CDH12: variants seen among roughly 807,000 people sequenced by gnomAD.
CDH12 encodes cadherin 12.
In CDH12, 41 loss-of-function variants were observed where a neutral mutation model predicts 74.1. The ratio of observed to expected loss-of-function variants is 0.55; its 90% CI spans 0.43 to 0.72. The LOEUF (loss-of-function observed/expected upper bound fraction) is 0.72, where lower values mean the gene tolerates loss of function less well. Ranked by LOEUF, CDH12 falls within the 30% of genes least tolerant of loss-of-function variation. The pLI is 0.00. For missense variants in CDH12, 945 were observed against 977.2 expected (o/e 0.97, Z 0.44); for synonymous variants, 399 against 355.0 (o/e 1.12, Z -1.39).
intron 6 of CDH12, among the ~76,000 whole-genome samples, chr5:21,877,653 A>T (rs973829140): frequency 3.9e-5 from 6 of 152,232 alleles, no homozygotes; most frequent in Non-Finnish European, 7.3e-5. Flanking sequence ...GGCAGTGATG[A>T]CACTGCTTTG....
At chr5:22,464,287 T>G (rs1745639311) in intron 2 of CDH12, among the ~76,000 whole-genome samples, 2 of 152,288 alleles carry the variant, frequency 1.3e-5, no homozygotes, top group South Asian at 4.1e-4. Flanking sequence ...AATTGCCCAG[T>G]CTCAGGTATG....
intron 4 of CDH12, among the ~76,000 whole-genome samples, chr5:22,128,578 A>G (rs182676648): frequency 1.0e-3 from 155 of 152,328 alleles, no homozygotes; most frequent in African/African-American, 3.6e-3. Flanking sequence ...ATCCTTTTAT[A>G]TCAACTATAA....
chr5:21,776,876 C>T (rs1745618974), intron 11 of CDH12, among the ~76,000 whole-genome samples: 1 of 152,168 alleles, frequency 6.6e-6, no homozygotes, highest in Non-Finnish European at 1.5e-5. Context: ...ACATAGTTTG[C>T]ATATCATAAC....
chr5:22,717,621 A>G (rs1213733420), intron 1 of CDH12, among the ~76,000 whole-genome samples: 1 of 152,194 alleles, frequency 6.6e-6, no homozygotes, highest in Non-Finnish European at 1.5e-5. Flanking sequence ...TCGATATCCA[A>G]TAAGAAGAAA....
intron 3 of CDH12, among the ~76,000 whole-genome samples, chr5:22,348,905 A>T (rs1740238120): frequency 6.6e-6 from 1 of 152,194 alleles, no homozygotes; most frequent in African/African-American, 2.4e-5. Flanking sequence ...GCAGGCATTC[A>T]ATAAATGCCA....
Position 22,654,236 on chromosome 5 carries a change from GTTTC to G in CDH12, c.-522-148876_-522-148873del, listed in dbSNP as rs200960229. ...TTTCTTTTTGTTTCTTTGTTTCTTT[GTTTC>G]TTTCTTTCTTTCTCTTTCTTGCTTT... On this transcript the variant is annotated intron_variant, in intron 1 of 14. Coordinates refer to ENST00000382254, the MANE Select transcript of CDH12 (RefSeq NM_004061.5). 4.4e-3 allele frequency among the ~76,000 whole-genome samples: 540 copies of G among 122,824 alleles called. 22 individuals are homozygous for G. The East Asian group carries it at 0.097, about 22-fold the overall frequency. The allele number at this position is 122,824 out of a possible 152,430, so 80.6% of individuals were successfully genotyped here.
At chr5:22,255,862 TC>T (rs1252821378) in intron 3 of CDH12, among the ~76,000 whole-genome samples, 1 of 152,044 alleles carries the variant, frequency 6.6e-6, no homozygotes, top group Non-Finnish European at 1.5e-5. Context: ...TGGTTAAATG[TC>T]AGAATGGCTG....
intron 6 of CDH12, among the ~76,000 whole-genome samples, chr5:21,960,201 T>C (rs2150109398): frequency 1.3e-5 from 2 of 152,284 alleles, no homozygotes; most frequent in South Asian, 4.1e-4. Context: ...GATAGACATC[T>C]ACAGAACTCT....
At chr5:22,217,479 G>A (rs1293345590) in intron 3 of CDH12, among the ~76,000 whole-genome samples, 3 of 151,586 alleles carry the variant, frequency 2.0e-5, no homozygotes, top group Admixed American at 6.6e-5. Context: ...AAAAAGCAGA[G>A]TGCATAATTA....
Position 21,792,856 on chromosome 5 carries a change from A to C in CDH12, c.1256+9311T>G, listed in dbSNP as rs1579711394. Among the ~76,000 whole-genome samples the C allele has an allele frequency of 3.3e-5, 5 of 151,918 alleles. No homozygotes were observed. In the Middle Eastern group the frequency reaches 0.017, roughly 517 times the overall value. ...ATAGAAAGAAAATGAGGTTTAGACA[A>C]ATAATGATTAAGTCCAGGCTCTGTA... On this transcript the variant is annotated intron_variant, in intron 10 of 14. Transcript: ENST00000382254.
At chr5:22,713,964 A>G (rs1743432337) in intron 1 of CDH12, among the ~76,000 whole-genome samples, 1 of 152,174 alleles carries the variant, frequency 6.6e-6, no homozygotes, top group African/African-American at 2.4e-5. Flanking sequence ...GTATTAATTC[A>G]ATGTTAAGGC....
chr5:22,608,211 G>T (rs1025570352), intron 1 of CDH12, among the ~76,000 whole-genome samples: 1 of 152,206 alleles, frequency 6.6e-6, no homozygotes, highest in South Asian at 2.1e-4. Context: ...TCCCTGCAAA[G>T]CCACAGGGTT....
intron 3 of CDH12, among the ~76,000 whole-genome samples, chr5:22,343,676 C>G (rs765017894): frequency 6.6e-6 from 1 of 152,104 alleles, no homozygotes; most frequent in Non-Finnish European, 1.5e-5. Context: ...CCTCAGCCTC[C>G]CAAAGTGCTG....
intron 2 of CDH12, among the ~76,000 whole-genome samples, chr5:22,456,107 TTATATATATATATATA>T (rs36020133): frequency 0.48 from 70,411 of 147,834 alleles, 17,089 homozygotes; most frequent in Admixed American, 0.65. Flanking sequence ...CATGTGGATA[TTATATATATATATATA>T]TATATATATA....
chr5:21,788,138 A>G (rs1746296265), intron 10 of CDH12, among the ~76,000 whole-genome samples: 2 of 152,182 alleles, frequency 1.3e-5, no homozygotes, highest in South Asian at 4.1e-4. Context: ...TTAGTTGGGA[A>G]GACATGTATA....
intron 4 of CDH12, among the ~76,000 whole-genome samples, chr5:22,099,675 A>G (rs2150248095): frequency 6.6e-6 from 1 of 152,260 alleles, no homozygotes; most frequent in African/African-American, 2.4e-5. Flanking sequence ...CTGTTTCTCT[A>G]AGCCATCACA....
chr5:22,073,756 A>T (rs1742113758), intron 5 of CDH12, among the ~76,000 whole-genome samples: 1 of 151,990 alleles, frequency 6.6e-6, no homozygotes, highest in African/African-American at 2.4e-5. Flanking sequence ...CAGCATGAAC[A>T]TCTGATTCTT....
At chr5:22,151,641 C>T (rs1160997672) in intron 4 of CDH12, among the ~76,000 whole-genome samples, 1 of 152,138 alleles carries the variant, frequency 6.6e-6, no homozygotes, top group Non-Finnish European at 1.5e-5. Flanking sequence ...ATTTTCCTAA[C>T]TGCAAAGAAA....
At chr5:22,495,388 A>C (rs996683002) in intron 2 of CDH12, among the ~76,000 whole-genome samples, 1 of 152,158 alleles carries the variant, frequency 6.6e-6, no homozygotes, top group East Asian at 1.9e-4. Context: ...ATTAAAAGTG[A>C]GAAAATGGGA....
Sources: allele counts gnomAD v4.1 joint callset (sites outside exome capture counted in the v4.1 genomes callset), GRCh38; gene constraint gnomAD v4.1.1; transcripts MANE v1.5; gene names NCBI Gene and HGNC (gene_info 2026-07-23, HGNC 2026-07-21).